The following MLLT3 variants were observed in gnomAD, a reference collection of about 807,000 sequenced individuals.
The protein encoded by MLLT3 is protein AF-9.
In MLLT3, 4 loss-of-function variants were observed where a neutral mutation model predicts 53.2. The ratio of observed to expected loss-of-function variants is 0.08; its 90% CI spans 0.04 to 0.17. MLLT3 has a LOEUF of 0.17. Ranked by LOEUF, MLLT3 falls within the 10% of genes least tolerant of loss-of-function variation. The probability of loss-of-function intolerance (pLI) is 1.00; values close to 1 mark genes in which losing one functional copy is unlikely to be tolerated. For synonymous variants in MLLT3, 283 were observed against 230.6 expected, an observed-to-expected ratio of 1.23 and a Z score of -2.06; for missense variants, 569 against 684.0, an observed-to-expected ratio of 0.83 and a Z score of 1.87.
At chr9:20,552,798 G>A (rs898411428) in intron 2 of MLLT3, among the ~76,000 whole-genome samples, 2 of 152,058 alleles carry the variant, frequency 1.3e-5, no homozygotes, top group African/African-American at 4.8e-5. Context: ...TATAAGACTA[G>A]TATTACCATA....
chr9:20,458,128 T>A (rs1198150339), intron 2 of MLLT3, among the ~76,000 whole-genome samples: 2 of 152,212 alleles, frequency 1.3e-5, no homozygotes, highest in Non-Finnish European at 2.9e-5. Flanking sequence ...CAAGTTCAAA[T>A]TCTACTTTCT....
chr9:20,551,322 A>C (rs1191335661), intron 2 of MLLT3, among the ~76,000 whole-genome samples: 1 of 152,126 alleles, frequency 6.6e-6, no homozygotes, highest in African/African-American at 2.4e-5. Flanking sequence ...TGACTCTTTA[A>C]TCCAATGCAT....
At chr9:20,516,389 C>A (rs564970335) in intron 2 of MLLT3, among the ~76,000 whole-genome samples, 45 of 152,318 alleles carry the variant, frequency 3.0e-4, no homozygotes, top group Admixed American at 9.2e-4. Context: ...TACAGTTAAT[C>A]ACAGAGCTAG....
At position 20,476,891 on chromosome 9, in the gene MLLT3, T is replaced by A. The variant is rs530391271; in HGVS notation, c.194-20105A>T. On this transcript the variant is annotated intron_variant, in intron 2 of 10. Transcript: ENST00000380338. ...TAAATTTATATCAATAACCATAGCA[T>A]ACGTTAAGGAATCTATCCTTTAAAA... 2.6e-5 allele frequency among the ~76,000 whole-genome samples: 4 copies of A among 152,288 alleles called. No individual in the cohort carries two copies. The East Asian group carries it at 7.7e-4, about 29-fold the overall frequency.
At chr9:20,525,579 C>T (rs1006138543) in intron 2 of MLLT3, among the ~76,000 whole-genome samples, 1 of 152,116 alleles carries the variant, frequency 6.6e-6, no homozygotes, top group Non-Finnish European at 1.5e-5. Flanking sequence ...GTTTTCATTC[C>T]TCCTATCAAA....
At chr9:20,537,314 T>C (rs572939514) in intron 2 of MLLT3, among the ~76,000 whole-genome samples, 14 of 152,158 alleles carry the variant, frequency 9.2e-5, no homozygotes, top group African/African-American at 3.4e-4. Flanking sequence ...TTGTCTAGAG[T>C]AGGGGGCAGA....
chr9:20,433,959 A>G (rs1018581345), intron 4 of MLLT3, among the ~76,000 whole-genome samples: 1 of 128,234 alleles, frequency 7.8e-6, no homozygotes, highest in African/African-American at 3.4e-5. Flanking sequence ...CTAAAAATAC[A>G]AAAAAAAAAA....
rs1423379606 is a variant in MLLT3 at position 20,412,137 on chromosome 9, G to A, written c.1125+1584C>T. Among the ~76,000 whole-genome samples the A allele has an allele frequency of 2.6e-5, 4 of 152,034 alleles. No individual in the cohort carries two copies. The East Asian group carries it at 7.7e-4, about 29-fold the overall frequency. On this transcript the variant is annotated intron_variant, in intron 5 of 10. Transcript: ENST00000380338. ...ATGTGTTAGAATATAAAATGGCAAA[G>A]TTGCAAAATTTGACAATTTTGATTG... is the stretch of plus-strand genomic sequence containing the variant.
intron 2 of MLLT3, among the ~76,000 whole-genome samples, chr9:20,574,395 T>C (rs565397402): frequency 9.0e-4 from 137 of 152,350 alleles, no homozygotes; most frequent in Non-Finnish European, 1.4e-3. Flanking sequence ...AGTACAATCA[T>C]ACCTATGAGA....
Position 20,583,336 on chromosome 9 carries a change from G to A in MLLT3, c.193+37318C>T, listed in dbSNP as rs562093357. On this transcript the variant is annotated intron_variant, in intron 2 of 10. Coordinates refer to ENST00000380338, the MANE Select transcript of MLLT3 (RefSeq NM_004529.4). ...CTGCTTTCATGGGCTAGTGTTAAGTGTCTGTGGCTTTTCCAGGAGCACTGT... is the reference window on the plus strand; with the variant it reads ...CTGCTTTCATGGGCTAGTGTTAAGTATCTGTGGCTTTTCCAGGAGCACTGT... 2.0e-5 allele frequency among the ~76,000 whole-genome samples: 3 copies of A among 152,266 alleles called. No individual in the cohort carries two copies. In the East Asian group the frequency reaches 5.8e-4, roughly 29 times the overall value.
At chr9:20,404,544 G>A (rs1417036139) in intron 5 of MLLT3, among the ~76,000 whole-genome samples, 3 of 152,098 alleles carry the variant, frequency 2.0e-5, no homozygotes, top group Admixed American at 1.3e-4. Context: ...TCACTACATT[G>A]CTTATGCTGG....
intron 2 of MLLT3, among the ~76,000 whole-genome samples, chr9:20,490,847 G>A (rs1351524715): frequency 6.6e-6 from 1 of 152,124 alleles, no homozygotes. Context: ...GGAATAGAGA[G>A]TTTTAAATAA....
At chr9:20,381,193 A>G (rs1477366969) in intron 5 of MLLT3, among the ~76,000 whole-genome samples, 4 of 151,992 alleles carry the variant, frequency 2.6e-5, no homozygotes, top group Non-Finnish European at 5.9e-5. Context: ...GGTAGAAGCA[A>G]CATGTTTTAG....
chr9:20,391,366 A>C (rs1250299066), intron 5 of MLLT3, among the ~76,000 whole-genome samples: 1 of 152,218 alleles, frequency 6.6e-6, no homozygotes, highest in Non-Finnish European at 1.5e-5. Flanking sequence ...CAACAAGGTA[A>C]ACAAGATAAG....
chr9:20,595,408 T>C (rs931633630), intron 2 of MLLT3, among the ~76,000 whole-genome samples: 6 of 151,826 alleles, frequency 4.0e-5, no homozygotes, highest in Admixed American at 6.6e-5. Context: ...ACTGGAAAAA[T>C]AAGGTTATAT....
intron 2 of MLLT3, among the ~76,000 whole-genome samples, chr9:20,490,202 T>C (rs960788264): frequency 3.9e-5 from 6 of 152,200 alleles, no homozygotes; most frequent in Non-Finnish European, 8.8e-5. Context: ...AACCAAACAC[T>C]AATCTAGGTA....
chr9:20,597,207 T>G (rs755957996), intron 2 of MLLT3, among the ~76,000 whole-genome samples: 1 of 152,104 alleles, frequency 6.6e-6, no homozygotes, highest in Non-Finnish European at 1.5e-5. Context: ...TAGGGATCAT[T>G]AGACTAATAA....
intron 2 of MLLT3, among the ~76,000 whole-genome samples, chr9:20,574,226 C>A (rs1307686184): frequency 2.6e-5 from 4 of 152,026 alleles, no homozygotes; most frequent in Admixed American, 1.3e-4. Context: ...CTGCTTTATA[C>A]CAATAAAAAA....
chr9:20,505,465 A>T (rs1239391274), intron 2 of MLLT3, among the ~76,000 whole-genome samples: 1 of 152,272 alleles, frequency 6.6e-6, no homozygotes, highest in African/African-American at 2.4e-5. Flanking sequence ...CTTTAAAAAC[A>T]AAGTCATAAA....
Sources: gnomAD v4.1 joint callset for allele counts (sites outside exome capture counted in the v4.1 genomes callset) on GRCh38, gnomAD v4.1.1 for gene constraint, MANE v1.5 for transcripts, NCBI Gene and HGNC (gene_info 2026-07-23, HGNC 2026-07-21) for gene names.